The following LASP1 variants were observed in gnomAD, a reference collection of about 807,000 sequenced individuals.
LASP1 encodes LIM and SH3 domain protein 1.
A neutral mutation model predicts 38.6 loss-of-function variants in LASP1; 10 were observed. That is an observed-to-expected ratio of 0.26 (90% CI 0.16 to 0.44). LASP1 has a LOEUF of 0.44. Among genes scored for constraint, LASP1 ranks in the 20% least tolerant of loss-of-function variants. The pLI is 1.00. For synonymous variants in LASP1, 132 were observed against 140.8 expected, an observed-to-expected ratio of 0.94 and a Z score of 0.44; for missense variants, 243 against 375.7, an observed-to-expected ratio of 0.65 and a Z score of 2.92.
At chr17:38,880,781 TCTGAGCC>T (rs1913925376) in intron 2 of LASP1, among the ~76,000 whole-genome samples, 1 of 152,200 alleles carries the variant, frequency 6.6e-6, no homozygotes, top group Admixed American at 6.5e-5. Context: ...TCTGGACGTG[TCTGAGCC>T]TTGGTTTCCC....
At chr17:38,890,397 ACT>A (rs771672905) in intron 2 of LASP1, 21 bp from the exon 3 acceptor site, 1 of 1,609,746 alleles carries the variant, frequency 6.2e-7, no homozygotes, top group Admixed American at 1.7e-5. Context: ...AGTCACCCCC[ACT>A]CTGTTTTTTC....
intron 4 of LASP1, among the ~76,000 whole-genome samples, chr17:38,909,896 C>T (rs1914885268): frequency 6.6e-6 from 1 of 152,062 alleles, no homozygotes; most frequent in Admixed American, 6.6e-5. Context: ...TACAGGTGCC[C>T]ACCACCATGC....
intron 2 of LASP1, among the ~76,000 whole-genome samples, chr17:38,882,547 G>A (rs540059046): frequency 7.2e-5 from 11 of 152,088 alleles, no homozygotes; most frequent in African/African-American, 2.4e-4. Context: ...TGCCCGGCCC[G>A]AATTCTTTCT....
chr17:38,912,680 GGGATGGGAGGTGGAGGAA>G (rs1157115830), intron 4 of LASP1, among the ~76,000 whole-genome samples: 1 of 152,146 alleles, frequency 6.6e-6, no homozygotes, highest in Non-Finnish European at 1.5e-5. Flanking sequence ...GGTGCCATGG[GGGATGGGAGGTGGAGGAA>G]GCCTGGGGCC....
At chr17:38,898,018 G>T (rs1402426092) in intron 3 of LASP1, among the ~76,000 whole-genome samples, 1 of 152,238 alleles carries the variant, frequency 6.6e-6, no homozygotes, top group Non-Finnish European at 1.5e-5. Flanking sequence ...GCAGATGAGG[G>T]TTTGCACTCT....
At chr17:38,889,449 T>C (rs1328298648) in intron 2 of LASP1, among the ~76,000 whole-genome samples, 1 of 152,152 alleles carries the variant, frequency 6.6e-6, no homozygotes, top group African/African-American at 2.4e-5. Flanking sequence ...GTTGTTACTA[T>C]AGATTGAGCA....
At chr17:38,906,775 T>G (rs1193774791) in intron 4 of LASP1, among the ~76,000 whole-genome samples, 2 of 152,132 alleles carry the variant, frequency 1.3e-5, no homozygotes. Flanking sequence ...AGCTTTGTCA[T>G]GGACCCTAAC....
chr17:38,883,676 G>A (rs1448129457), intron 2 of LASP1, among the ~76,000 whole-genome samples: 1 of 151,342 alleles, frequency 6.6e-6, no homozygotes, highest in Non-Finnish European at 1.5e-5. Flanking sequence ...AAACAGGCCC[G>A]CGTTTCCATG....
intron 4 of LASP1, among the ~76,000 whole-genome samples, chr17:38,910,733 C>CTTTT (rs10526728): frequency 2.1e-4 from 28 of 135,498 alleles, no homozygotes; most frequent in African/African-American, 6.1e-4. Flanking sequence ...CTGGAGTCCA[C>CTTTT]TTTTTTTTAA....
intron 5 of LASP1, among the ~76,000 whole-genome samples, chr17:38,914,825 G>T (rs771985387): frequency 1.5e-4 from 23 of 152,224 alleles, no homozygotes; most frequent in Non-Finnish European, 2.5e-4. Flanking sequence ...GGGCCAAGAG[G>T]ATTGAAAGGA....
intron 3 of LASP1, among the ~76,000 whole-genome samples, chr17:38,894,799 G>A (rs1391813311): frequency 5.3e-5 from 8 of 151,846 alleles, no homozygotes; most frequent in Non-Finnish European, 7.4e-5. Flanking sequence ...ATGCAGTGGC[G>A]TGATCTTGGC....
chr17:38,878,234 G>A lies in LASP1; in HGVS notation c.164+54G>A, dbSNP rs907742547. 2.3e-5 allele frequency: 28 copies of A among 1,194,752 alleles called. No individual in the cohort carries two copies. The Admixed American group carries it at 3.5e-4, about 15-fold the overall frequency. 74.0% of individuals were successfully genotyped at this position (1,194,752 alleles called of 1,614,324 possible). ...GTGGGCACCTTGGCTCCCTCCCCGAGTGAGTTCTTCCTTTCCTTCCAATAA... is the reference window on the plus strand; with the variant it reads ...GTGGGCACCTTGGCTCCCTCCCCGAATGAGTTCTTCCTTTCCTTCCAATAA... On this transcript the variant is annotated intron_variant, in intron 2 of 6. Coordinates refer to ENST00000318008, the MANE Select transcript of LASP1 (RefSeq NM_006148.4).
At chr17:38,898,579 C>G (rs1239933382) in intron 4 of LASP1, 60 bp downstream of exon 4, 1 of 1,268,322 alleles carries the variant, frequency 7.9e-7, no homozygotes, top group Non-Finnish European at 1.1e-6. Flanking sequence ...CCCTTCCTGC[C>G]AGCCTGGCAG....
intron 2 of LASP1, among the ~76,000 whole-genome samples, chr17:38,880,143 C>T (rs571446843): frequency 6.6e-6 from 1 of 152,326 alleles, no homozygotes; most frequent in African/African-American, 2.4e-5. Flanking sequence ...GGGCAGTTAA[C>T]CCCTCCGTTG....
rs1459943015 is a variant in LASP1, at chr17:38,921,342, G to T, written c.*2564G>T. The stretch of plus-strand genomic sequence containing the variant: ...AACAAGAAGCCCAGTGGTGAGGAAA[G>T]TGCGTTCTCCCAGCACTGCCTCCTG... On this transcript the variant is annotated 3_prime_UTR_variant, in exon 7 of 7. Transcript: ENST00000318008. 4 of 232,218 alleles carry T rather than the reference G, an allele frequency of 1.7e-5. No individual in the cohort carries two copies. The highest frequency in any genetic ancestry group is 3.4e-5 in the Non-Finnish European group (4 of 117,204). 14.4% of individuals were successfully genotyped at this position (232,218 alleles called of 1,614,324 possible).
At position 38,919,505 on chromosome 17, in the gene LASP1, G is replaced by A. The variant is rs11539845; in HGVS notation, c.*727G>A. The A allele has an allele frequency of 0.31, 74,882 of 242,228 alleles. 12,003 individuals are homozygous for A. Among genetic ancestry groups the A allele is most frequent in the South Asian group, 0.48 (3,206 of 6,736 alleles). The allele number at this position is 242,228 out of a possible 1,614,324, so 15.0% of individuals were successfully genotyped here. A position where few individuals can be genotyped will look rare whatever the true frequency, so the allele number is the denominator to read the frequency against. On this transcript the variant is annotated 3_prime_UTR_variant, in exon 7 of 7. Transcript: ENST00000318008. ...AGGTTCTTGCCTTTCTTAATTTTAG[G>A]GACAGCTACCGGAAGGAGGGGAACA...
rs1913947663 is a variant in LASP1 at position 38,881,453 on chromosome 17, G to A, written c.164+3273G>A. On this transcript the variant is annotated intron_variant, in intron 2 of 6. Transcript: ENST00000318008. ...CGCCATGCTAATTTTTAAGTTTTTT[G>A]TAGAGAGGAGGGCTTGTCATACTCT... 3.3e-5 allele frequency among the ~76,000 whole-genome samples: 5 copies of A among 152,066 alleles called. No homozygotes were observed. In the South Asian group the frequency reaches 1.0e-3, roughly 31 times the overall value.
At chr17:38,885,007 G>T (rs1347059834) in intron 2 of LASP1, among the ~76,000 whole-genome samples, 1 of 152,172 alleles carries the variant, frequency 6.6e-6, no homozygotes, top group Admixed American at 6.6e-5. Flanking sequence ...AGTTCAGAGG[G>T]ATAGGCAGCT....
At chr17:38,898,684 C>A in intron 4 of LASP1, 165 bp downstream of exon 4, 1 of 678,972 alleles carries the variant, frequency 1.5e-6, no homozygotes, top group Non-Finnish European at 2.7e-6. Context: ...CCAGATGCCT[C>A]TTCTCTGTGT....
Sources: allele counts gnomAD v4.1 joint callset (sites outside exome capture counted in the v4.1 genomes callset), GRCh38; gene constraint gnomAD v4.1.1; transcripts MANE v1.5; gene names NCBI Gene and HGNC (gene_info 2026-07-23, HGNC 2026-07-21).